The following CDH9 variants were observed in gnomAD, a reference collection of about 807,000 sequenced individuals.
CDH9 encodes cadherin 9.
In CDH9, 28 loss-of-function variants were observed where a neutral mutation model predicts 70.9. That is an observed-to-expected ratio of 0.40 (90% CI 0.29 to 0.54). The LOEUF (loss-of-function observed/expected upper bound fraction) is 0.54. Ranked by LOEUF, CDH9 falls within the 20% of genes least tolerant of loss-of-function variation. CDH9 has a pLI of 0.59. For synonymous variants in CDH9, 409 were observed against 343.1 expected (o/e 1.19, Z -2.12); for missense variants, 874 against 984.4 (o/e 0.89, Z 1.50).
intron 2 of CDH9, among the ~76,000 whole-genome samples, chr5:26,985,523 A>C (rs1742474789): frequency 6.6e-6 from 1 of 152,122 alleles, no homozygotes; most frequent in Admixed American, 6.6e-5. Flanking sequence ...GCTTCCTCTC[A>C]ATTCAGGATC....
intron 1 of CDH9, among the ~76,000 whole-genome samples, chr5:27,033,658 AT>A (rs571252430): frequency 1.1e-4 from 16 of 151,562 alleles, no homozygotes; most frequent in Admixed American, 3.3e-4. Context: ...AAAAAACACA[AT>A]TTTTTTATGT....
In CDH9 at chr5:26,881,602, G is replaced by A. The variant is rs781654481; in HGVS notation, c.1904C>T (p.Ala635Val). 1.9e-6 allele frequency: 3 copies of A among 1,609,888 alleles called. No individual in the cohort carries two copies. In the South Asian group the frequency reaches 3.3e-5, roughly 18 times the overall value. ...TTCCTTTTTTCTTTGCCTCTTCAAT[G>A]CAGCAAACAACACGACTAAAACTAT... The part of the protein sequence containing the change: ...ILLILVVLFA[A>V]LKRQRKKEPL... Residue 635 changes from alanine to valine, a missense_variant, in exon 12 of 12, where the codon GCA becomes GTA. Coordinates refer to ENST00000231021, the MANE Select transcript of CDH9 (RefSeq NM_016279.4).
Position 26,942,207 on chromosome 5 carries a change from T to C in CDH9, c.229-26283A>G, listed in dbSNP as rs182833609. Among the ~76,000 whole-genome samples the C allele has an allele frequency of 1.7e-4, 26 of 152,264 alleles. No individual in the cohort carries two copies. In the South Asian group the frequency reaches 2.3e-3, roughly 13 times the overall value. ...TGTTGAGCAAAAGGGAAAAAGGCTC[T>C]TATAAAACCATCAGATCTCCTGAGA... On this transcript the variant is annotated intron_variant, in intron 2 of 11. Transcript: ENST00000231021.
At chr5:26,890,064 C>T in intron 8 of CDH9, 107 bp from the exon 9 acceptor site, 1 of 951,614 alleles carries the variant, frequency 1.1e-6, no homozygotes, top group Non-Finnish European at 1.6e-6. Context: ...TGTTCACTTT[C>T]TCAATTGGGC....
At chr5:26,967,704 A>T (rs1309155853) in intron 2 of CDH9, among the ~76,000 whole-genome samples, 1 of 151,938 alleles carries the variant, frequency 6.6e-6, no homozygotes, top group Non-Finnish European at 1.5e-5. Context: ...TCAATTTTTT[A>T]CACCTTTTTT....
chr5:27,002,173 C>T (rs375798361), intron 1 of CDH9, among the ~76,000 whole-genome samples: 1 of 152,204 alleles, frequency 6.6e-6, no homozygotes, highest in Middle Eastern at 3.4e-3. Flanking sequence ...TGAAAAAATG[C>T]TCATAATCAC....
At chr5:26,960,673 C>T (rs367830185) in intron 2 of CDH9, among the ~76,000 whole-genome samples, 1 of 151,822 alleles carries the variant, frequency 6.6e-6, no homozygotes, top group Non-Finnish European at 1.5e-5. Flanking sequence ...CTAGTATATA[C>T]TAAATAAATT....
intron 2 of CDH9, among the ~76,000 whole-genome samples, chr5:26,917,207 A>C (rs1201146454): frequency 6.6e-6 from 1 of 152,026 alleles, no homozygotes; most frequent in Non-Finnish European, 1.5e-5. Flanking sequence ...AAAATTATTA[A>C]ATCAAACTAA....
chr5:27,037,977 A>G (rs1743422265), intron 1 of CDH9, among the ~76,000 whole-genome samples: 1 of 151,974 alleles, frequency 6.6e-6, no homozygotes, highest in Admixed American at 6.6e-5. Flanking sequence ...GAAAATAAAG[A>G]AAGCATTTCT....
At chr5:26,940,890 T>C (rs1343083173) in intron 2 of CDH9, among the ~76,000 whole-genome samples, 1 of 152,204 alleles carries the variant, frequency 6.6e-6, no homozygotes, top group African/African-American at 2.4e-5. Context: ...CAGAAACATT[T>C]GAGAGAGGCA....
At chr5:26,884,444 G>C (rs1458793828) in intron 11 of CDH9, among the ~76,000 whole-genome samples, 1 of 152,046 alleles carries the variant, frequency 6.6e-6, no homozygotes, top group South Asian at 2.1e-4. Context: ...TTAGCTAAAA[G>C]GCTAAGCCAA....
chr5:27,005,954 A>T (rs1157472013), intron 1 of CDH9, among the ~76,000 whole-genome samples: 1 of 152,036 alleles, frequency 6.6e-6, no homozygotes, highest in Non-Finnish European at 1.5e-5. Flanking sequence ...ACTTATAAGT[A>T]GGAGCTAAAT....
intron 7 of CDH9, among the ~76,000 whole-genome samples, chr5:26,900,256 C>T (rs1217899163): frequency 6.6e-6 from 1 of 151,916 alleles, no homozygotes; most frequent in Non-Finnish European, 1.5e-5. Context: ...TAAATCCTAC[C>T]AAACATTAAG....
chr5:27,035,812 C>G (rs928379541), intron 1 of CDH9, among the ~76,000 whole-genome samples: 9 of 151,260 alleles, frequency 6.0e-5, no homozygotes, highest in African/African-American at 2.2e-4. Context: ...ATTTCTACAT[C>G]ATATTTAAAT....
chr5:26,988,808 C>A (rs1742532704), intron 1 of CDH9, among the ~76,000 whole-genome samples: 1 of 151,908 alleles, frequency 6.6e-6, no homozygotes, highest in South Asian at 2.1e-4. Flanking sequence ...TCTCATAATC[C>A]ATCATTTTTA....
rs1034095488 is a variant in CDH9 at position 26,890,535 on chromosome 5, T to C, written c.1283A>G (p.Asp428Gly). The C allele has an allele frequency of 5.6e-6, 9 of 1,607,364 alleles. No individual in the cohort carries two copies. Among genetic ancestry groups the C allele is most frequent in the Non-Finnish European group, 7.7e-6 (9 of 1,173,952 alleles). Residue 428 changes from aspartate (D) to glycine (G), a missense_variant, in exon 8 of 12, where the codon GAC becomes GGC. Transcript: ENST00000231021. ...KYSVDRHTDM[D>G]RIFGIHSENG... ...TTCTGAGTGAATACCAAAAATACGG[T>C]CCATATCAGTATGCCGATCAACAGA...
At position 26,971,084 on chromosome 5, in the gene CDH9, T is replaced by C. The variant is rs77835693; in HGVS notation, c.228+17022A>G. Among the ~76,000 whole-genome samples, 652 of 152,294 alleles carry C rather than the reference T, an allele frequency of 4.3e-3. 7 individuals are homozygous for C. The highest frequency in any genetic ancestry group is 0.015 in the African/African-American group (626 of 41,578). ...TTGTCCTATGAAGTTCCTTTTGACA[T>C]AAATGCAAACTCTGCTTCTTTTCAG... On this transcript the variant is annotated intron_variant, in intron 2 of 11. Coordinates refer to ENST00000231021, the MANE Select transcript of CDH9 (RefSeq NM_016279.4).
At chr5:27,037,999 T>C (rs543655346) in intron 1 of CDH9, among the ~76,000 whole-genome samples, 2 of 152,108 alleles carry the variant, frequency 1.3e-5, no homozygotes, top group South Asian at 2.1e-4. Flanking sequence ...ATTCAATTAT[T>C]AATAAAGATG....
At chr5:26,895,925 C>T (rs1740741920) in intron 7 of CDH9, among the ~76,000 whole-genome samples, 2 of 151,902 alleles carry the variant, frequency 1.3e-5, no homozygotes, top group South Asian at 2.1e-4. Flanking sequence ...GCTGATTTTT[C>T]TTCACACTAT....
Sources: gnomAD v4.1 joint callset for allele counts (sites outside exome capture counted in the v4.1 genomes callset) on GRCh38, gnomAD v4.1.1 for gene constraint, MANE v1.5 for transcripts, NCBI Gene and HGNC (gene_info 2026-07-23, HGNC 2026-07-21) for gene names.